RNF149: variants seen among roughly 807,000 people sequenced by gnomAD.
The protein encoded by RNF149 is E3 ubiquitin-protein ligase RNF149.
In RNF149, 21 loss-of-function variants were observed where a neutral mutation model predicts 39.0. That is an observed-to-expected ratio of 0.54 (90% CI 0.38 to 0.77). RNF149 has a LOEUF of 0.77. Among genes scored for constraint, RNF149 ranks in the 30% least tolerant of loss-of-function variants. The pLI, the probability that RNF149 is intolerant of heterozygous loss-of-function variation, is 0.00. For synonymous variants in RNF149, 209 were observed against 213.6 expected, an observed-to-expected ratio of 0.98 and a Z score of 0.19; for missense variants, 493 against 534.9, an observed-to-expected ratio of 0.92 and a Z score of 0.77.
At chr2:101,300,770 C>A (rs1247275752) in intron 1 of RNF149, among the ~76,000 whole-genome samples, 1 of 152,206 alleles carries the variant, frequency 6.6e-6, no homozygotes, top group Non-Finnish European at 1.5e-5. Flanking sequence ...AACGACGGCT[C>A]TTTATACCCT....
chr2:101,286,404 A>G, intron 4 of RNF149: 1 of 399,772 alleles, frequency 2.5e-6, no homozygotes, highest in African/African-American at 2.1e-5. Flanking sequence ...TGGCTTATTT[A>G]TGCTCTCACG....
downstream of RNF149, among the ~76,000 whole-genome samples, chr2:101,274,047 A>T (rs1682240946): frequency 1.4e-5 from 2 of 147,940 alleles, no homozygotes; most frequent in South Asian, 4.3e-4. Flanking sequence ...CTGTCACAGT[A>T]TTTTTTTTTT....
rs1187193352 is a variant in RNF149 at position 101,275,878 on chromosome 2, G to C, written c.*1360C>G. On this transcript the variant is annotated 3_prime_UTR_variant, in exon 7 of 7. Coordinates refer to ENST00000295317, the MANE Select transcript of RNF149 (RefSeq NM_173647.4). ...TATGGAAACCTACTTGAGGTTGTCTGCTAAAACCAACTCAGTGTGCAAAGC... is the reference window on the plus strand; with the variant it reads ...TATGGAAACCTACTTGAGGTTGTCTCCTAAAACCAACTCAGTGTGCAAAGC... The C allele has an allele frequency of 5.0e-5, 49 of 984,994 alleles. No individual in the cohort carries two copies. The highest frequency in any genetic ancestry group is 5.7e-5 in the Non-Finnish European group (47 of 829,700). The allele number at this position is 984,994 out of a possible 1,614,324, so 61.0% of individuals were successfully genotyped here. A position where few individuals can be genotyped will look rare whatever the true frequency, so the allele number is the denominator to read the frequency against.
chr2:101,290,996 A>G (rs1682986749), intron 3 of RNF149, among the ~76,000 whole-genome samples: 1 of 152,212 alleles, frequency 6.6e-6, no homozygotes, highest in Non-Finnish European at 1.5e-5. Flanking sequence ...CTCAGGGACT[A>G]CCAATCAGTA....
chr2:101,291,941 A>T (rs1277091076), intron 3 of RNF149, among the ~76,000 whole-genome samples: 1 of 152,236 alleles, frequency 6.6e-6, no homozygotes, highest in Non-Finnish European at 1.5e-5. Flanking sequence ...GTAAGTTGAA[A>T]ATAACATTAA....
Position 101,276,490 on chromosome 2 carries a change from G to C in RNF149, c.*748C>G, listed in dbSNP as rs1433726099. On this transcript the variant is annotated 3_prime_UTR_variant, in exon 7 of 7. Transcript: ENST00000295317. ...AATCAATATAACAGATTCTGAGTCT[G>C]CCTACTCATTTTCCTTAACAAGGCA... is the stretch of plus-strand genomic sequence containing the variant. 2.0e-6 allele frequency: 2 copies of C among 985,496 alleles called. No homozygotes were observed. 61.0% of individuals were successfully genotyped at this position (985,496 alleles called of 1,614,324 possible). A position where few individuals can be genotyped will look rare whatever the true frequency, so the allele number is the denominator to read the frequency against.
chr2:101,306,029 T>C (rs529977888), intron 1 of RNF149, among the ~76,000 whole-genome samples: 1 of 152,272 alleles, frequency 6.6e-6, no homozygotes, highest in Non-Finnish European at 1.5e-5. Flanking sequence ...ACACCGATAA[T>C]GGGAAGAGAA....
chr2:101,286,860 G>A (rs576360153), intron 4 of RNF149, among the ~76,000 whole-genome samples: 210 of 152,300 alleles, frequency 1.4e-3, no homozygotes, highest in Non-Finnish European at 2.5e-3. Flanking sequence ...TCAATGGCTG[G>A]GACTCTGAAC....
At chr2:101,296,248 T>C (rs1480298798) in intron 1 of RNF149, among the ~76,000 whole-genome samples, 1 of 152,176 alleles carries the variant, frequency 6.6e-6, no homozygotes, top group Non-Finnish European at 1.5e-5. Flanking sequence ...TTATTTAGCA[T>C]TGCTCTGAAG....
At chr2:101,298,754 G>A (rs1218285373) in intron 1 of RNF149, among the ~76,000 whole-genome samples, 1 of 152,196 alleles carries the variant, frequency 6.6e-6, no homozygotes, top group Non-Finnish European at 1.5e-5. Flanking sequence ...AGAGACTGGA[G>A]ACCATGACTG....
In RNF149 at chr2:101,276,412, C is replaced by A. The variant is rs1471197196; in HGVS notation, c.*826G>T. 1.0e-6 allele frequency: 1 copy of A among 985,854 alleles called. No homozygotes were observed. The highest frequency in any genetic ancestry group is 1.2e-6 in the Non-Finnish European group (1 of 829,908). The allele number at this position is 985,854 out of a possible 1,614,324, so 61.1% of individuals were successfully genotyped here. On this transcript the variant is annotated 3_prime_UTR_variant, in exon 7 of 7. Transcript: ENST00000295317. ...GGTTATTTCGAGTCAACAACAAAAA[C>A]TAAAATTCTACATCTTTCGCCCTTT...
chr2:101,304,046 G>C (rs775303573), intron 1 of RNF149, among the ~76,000 whole-genome samples: 2 of 152,188 alleles, frequency 1.3e-5, no homozygotes, highest in African/African-American at 2.4e-5. Flanking sequence ...GTGCTTTGAT[G>C]TTTACTAATT....
At chr2:101,286,975 CTGT>C (rs1414397944) in intron 4 of RNF149, among the ~76,000 whole-genome samples, 1 of 152,216 alleles carries the variant, frequency 6.6e-6, no homozygotes, top group Non-Finnish European at 1.5e-5. Context: ...GGTATTATTA[CTGT>C]TGTTTGAAGA....
rs1462498157 is a variant in RNF149 at position 101,276,103 on chromosome 2, C to A, written c.*1135G>T. The A allele has an allele frequency of 1.1e-6, 1 of 902,178 alleles. No individual in the cohort carries two copies. Among genetic ancestry groups the A allele is most frequent in the Admixed American group, 6.2e-5 (1 of 16,158 alleles). 55.9% of individuals were successfully genotyped at this position (902,178 alleles called of 1,614,324 possible). A position where few individuals can be genotyped will look rare whatever the true frequency, so the allele number is the denominator to read the frequency against. ...AATTTTAAAAATTGTTTTAAATAAA[C>A]ATTTATTTTTACCTACAAAGTAAAG... On this transcript the variant is annotated 3_prime_UTR_variant, in exon 7 of 7. Coordinates refer to ENST00000295317, the MANE Select transcript of RNF149 (RefSeq NM_173647.4).
chr2:101,275,880 T>A lies in RNF149; in HGVS notation c.*1358A>T. 3.0e-6 allele frequency: 3 copies of A among 985,346 alleles called. No homozygotes were observed. The highest frequency in any genetic ancestry group is 3.6e-6 in the Non-Finnish European group (3 of 829,862). The allele number at this position is 985,346 out of a possible 1,614,324, so 61.0% of individuals were successfully genotyped here. ...TGGAAACCTACTTGAGGTTGTCTGC[T>A]AAAACCAACTCAGTGTGCAAAGCGA... is the stretch of plus-strand genomic sequence containing the variant. On this transcript the variant is annotated 3_prime_UTR_variant, in exon 7 of 7. Coordinates refer to ENST00000295317, the MANE Select transcript of RNF149 (RefSeq NM_173647.4).
chr2:101,294,725 C>T (rs1683153098), intron 2 of RNF149: 1 of 540,704 alleles, frequency 1.8e-6, no homozygotes, highest in African/African-American at 1.9e-5. Flanking sequence ...CAAAAGGTAA[C>T]CCAGACTTAA....
At chr2:101,301,367 G>A (rs1397362703) in intron 1 of RNF149, among the ~76,000 whole-genome samples, 1 of 145,884 alleles carries the variant, frequency 6.9e-6, no homozygotes, top group Non-Finnish European at 1.5e-5. Context: ...TCACTCTGTT[G>A]CCCAGGCTGG....
Position 101,308,696 on chromosome 2 carries a change from G to T in RNF149, c.-108C>A, listed in dbSNP as rs553705815. The stretch of plus-strand genomic sequence containing the variant: ...CACCGCCGCCCTGGAAGACTGAGGC[G>T]GGGTCGGGGCCGCTGCGCACGCGCA... On this transcript the variant is annotated 5_prime_UTR_variant, in exon 1 of 7. Transcript: ENST00000295317. 2.8e-6 allele frequency: 3 copies of T among 1,079,164 alleles called. No homozygotes were observed. Among genetic ancestry groups the T allele is most frequent in the East Asian group, 5.9e-5 (2 of 34,134 alleles). The allele number at this position is 1,079,164 out of a possible 1,614,324, so 66.8% of individuals were successfully genotyped here. A position where few individuals can be genotyped will look rare whatever the true frequency, so the allele number is the denominator to read the frequency against.
At chr2:101,293,206 AAG>A (rs1683089591) in intron 3 of RNF149, among the ~76,000 whole-genome samples, 1 of 152,124 alleles carries the variant, frequency 6.6e-6, no homozygotes, top group African/African-American at 2.4e-5. Context: ...AGGTCAAAGA[AAG>A]AGATATACAC....
Sources: gnomAD v4.1 joint callset for allele counts (sites outside exome capture counted in the v4.1 genomes callset) on GRCh38, gnomAD v4.1.1 for gene constraint, MANE v1.5 for transcripts, NCBI Gene and HGNC (gene_info 2026-07-23, HGNC 2026-07-21) for gene names.